The following TMEM135 variants were observed in gnomAD, a reference collection of about 807,000 sequenced individuals.
TMEM135 encodes peroxisomal membrane protein 52.
TMEM135 carries 30 observed loss-of-function variants against 60.3 expected under a neutral mutation model. That is an observed-to-expected ratio of 0.50 (90% CI 0.37 to 0.68). The LOEUF (loss-of-function observed/expected upper bound fraction) is 0.68. TMEM135 is among the 30% of genes least tolerant of loss of function. The pLI is 0.00. For synonymous variants in TMEM135, 190 were observed against 186.7 expected (o/e 1.02, Z -0.14); for missense variants, 468 against 548.8 (o/e 0.85, Z 1.47).
intron 5 of TMEM135, among the ~76,000 whole-genome samples, chr11:87,158,149 C>T (rs1177815545): frequency 6.6e-6 from 1 of 152,130 alleles, no homozygotes; most frequent in Non-Finnish European, 1.5e-5. Flanking sequence ...TGGTCTTGAA[C>T]TCCTGGCCTC....
chr11:87,177,117 G>C (rs1385332336), intron 5 of TMEM135, among the ~76,000 whole-genome samples: 1 of 152,130 alleles, frequency 6.6e-6, no homozygotes, highest in Non-Finnish European at 1.5e-5. Context: ...ACTAATGAGA[G>C]CACATAGGGC....
intron 8 of TMEM135, among the ~76,000 whole-genome samples, chr11:87,304,563 A>ATT (rs1942508262): frequency 6.6e-6 from 1 of 152,186 alleles, no homozygotes. Context: ...ATGGCCAGAT[A>ATT]TGCCTTAGCA....
chr11:87,086,949 G>T (rs1279343201), intron 3 of TMEM135, among the ~76,000 whole-genome samples: 1 of 152,150 alleles, frequency 6.6e-6, no homozygotes, highest in Non-Finnish European at 1.5e-5. Flanking sequence ...TTGCCGTTAG[G>T]TTAAGGACGA....
In TMEM135 at chr11:87,199,316, C is replaced by T. The variant is rs75001457; in HGVS notation, c.463-37322C>T. ...GAGGGAGTGTTAAGAGGATGGAAAC[C>T]TCCTTGTATTGACCTCTCCAAGACG... On this transcript the variant is annotated intron_variant, in intron 5 of 14. Transcript: ENST00000305494. 7.7e-3 allele frequency among the ~76,000 whole-genome samples: 1,180 copies of T among 152,280 alleles called. 16 individuals carry two copies. Among genetic ancestry groups the T allele is most frequent in the African/African-American group, 0.027 (1,125 of 41,554 alleles).
chr11:87,242,803 G>T (rs976459160), intron 6 of TMEM135, among the ~76,000 whole-genome samples: 3 of 145,862 alleles, frequency 2.1e-5, no homozygotes, highest in African/African-American at 7.6e-5. Flanking sequence ...TTTGTAGGAT[G>T]CCTGTTCACT....
intron 7 of TMEM135, among the ~76,000 whole-genome samples, chr11:87,301,076 A>C (rs1230143611): frequency 6.6e-6 from 1 of 152,230 alleles, no homozygotes; most frequent in Non-Finnish European, 1.5e-5. Context: ...GACAGCTACC[A>C]AAGATTCACA....
chr11:87,319,884 A>G (rs1028104646), intron 14 of TMEM135, among the ~76,000 whole-genome samples: 5 of 152,176 alleles, frequency 3.3e-5, no homozygotes, highest in African/African-American at 4.8e-5. Context: ...TTGGAGTCAG[A>G]CAGACCTAAG....
At chr11:87,205,390 A>G (rs569229917) in intron 5 of TMEM135, among the ~76,000 whole-genome samples, 1 of 152,340 alleles carries the variant, frequency 6.6e-6, no homozygotes, top group South Asian at 2.1e-4. Flanking sequence ...AGAAAGACAT[A>G]TCTCTCATTA....
At chr11:87,252,319 A>G (rs903171871) in intron 6 of TMEM135, among the ~76,000 whole-genome samples, 1 of 152,062 alleles carries the variant, frequency 6.6e-6, no homozygotes, top group African/African-American at 2.4e-5. Context: ...GTCTGGGAAA[A>G]ATTATTATAA....
chr11:87,054,451 A>G (rs1949872951), intron 1 of TMEM135, among the ~76,000 whole-genome samples: 2 of 152,268 alleles, frequency 1.3e-5, no homozygotes, highest in South Asian at 4.1e-4. Context: ...AAAAAAGAAA[A>G]AAAGAAAAAT....
chr11:87,317,604 A>G (rs888243006), intron 12 of TMEM135, among the ~76,000 whole-genome samples: 2 of 152,146 alleles, frequency 1.3e-5, no homozygotes, highest in African/African-American at 2.4e-5. Context: ...CAGTTGGGAT[A>G]TAATTTAAAA....
At chr11:87,320,095 A>G (rs1942796492) in intron 14 of TMEM135, among the ~76,000 whole-genome samples, 1 of 152,190 alleles carries the variant, frequency 6.6e-6, no homozygotes, top group African/African-American at 2.4e-5. Context: ...AAATACTAGT[A>G]TAGTGCTGAC....
chr11:87,117,728 A>G (rs567615217), intron 4 of TMEM135, among the ~76,000 whole-genome samples: 1 of 152,260 alleles, frequency 6.6e-6, no homozygotes, highest in East Asian at 1.9e-4. Flanking sequence ...GTCATCTATG[A>G]GGGTGAGAAT....
chr11:87,232,986 A>G (rs184515497), intron 5 of TMEM135, among the ~76,000 whole-genome samples: 1 of 152,276 alleles, frequency 6.6e-6, no homozygotes, highest in Admixed American at 6.5e-5. Context: ...CCCCATCTCT[A>G]CTAAAAATAC....
At chr11:87,267,010 C>CT (rs1941762638) in intron 6 of TMEM135, among the ~76,000 whole-genome samples, 1 of 151,960 alleles carries the variant, frequency 6.6e-6, no homozygotes, top group Non-Finnish European at 1.5e-5. Flanking sequence ...GAGAAAGGAG[C>CT]TTAAGGTGGT....
intron 7 of TMEM135, among the ~76,000 whole-genome samples, chr11:87,301,189 T>C (rs1554986579): frequency 2.0e-5 from 3 of 151,958 alleles, no homozygotes; most frequent in Admixed American, 1.3e-4. Flanking sequence ...CAGTTGTTGG[T>C]AGTAACAGCT....
At chr11:87,267,984 G>A (rs1241735580) in intron 6 of TMEM135, among the ~76,000 whole-genome samples, 1 of 151,746 alleles carries the variant, frequency 6.6e-6, no homozygotes, top group Non-Finnish European at 1.5e-5. Context: ...GAGCCACCAC[G>A]CCCGGCCATG....
chr11:87,153,383 T>A (rs928090557), intron 4 of TMEM135, among the ~76,000 whole-genome samples: 1 of 152,168 alleles, frequency 6.6e-6, no homozygotes, highest in Non-Finnish European at 1.5e-5. Flanking sequence ...AGTTTTCAAA[T>A]TAGTTGATAT....
At chr11:87,233,456 C>T (rs970637036) in intron 5 of TMEM135, among the ~76,000 whole-genome samples, 1 of 152,010 alleles carries the variant, frequency 6.6e-6, no homozygotes, top group African/African-American at 2.4e-5. Flanking sequence ...GTGGAATTAC[C>T]ATCCAACAAA....
Sources: allele counts gnomAD v4.1 joint callset (sites outside exome capture counted in the v4.1 genomes callset), GRCh38; gene constraint gnomAD v4.1.1; transcripts MANE v1.5; gene names NCBI Gene and HGNC (gene_info 2026-07-23, HGNC 2026-07-21).